Variants in EXTL3 observed in about 807,000 individuals in gnomAD.
EXTL3 encodes the protein exostosin like glycosyltransferase 3, also known as exostosin-like 3.
Under a neutral mutation model 69.3 loss-of-function variants are expected in EXTL3, and 27 were observed. That is an observed-to-expected ratio of 0.39 (90% CI 0.29 to 0.54). EXTL3 has a LOEUF of 0.54. Ranked by LOEUF, EXTL3 falls within the 20% of genes least tolerant of loss-of-function variation. The pLI is 0.69. For missense variants in EXTL3, 1,003 were observed against 1,231.8 expected (o/e 0.81, Z 2.78); for synonymous variants, 511 against 499.4 (o/e 1.02, Z -0.31).
chr8:28,694,242 C>G (rs1383117226), intron 1 of EXTL3, among the ~76,000 whole-genome samples: 1 of 152,170 alleles, frequency 6.6e-6, no homozygotes, highest in Non-Finnish European at 1.5e-5. Context: ...AATCTGTAAA[C>G]TAATTTATTG....
intron 2 of EXTL3, chr8:28,607,844 G>T (rs916261730): frequency 6.6e-6 from 1 of 152,440 alleles, no homozygotes; most frequent in Non-Finnish European, 1.5e-5. Context: ...GGGGCGCGGT[G>T]GCTCACGCCT....
intron 1 of EXTL3, among the ~76,000 whole-genome samples, chr8:28,639,797 T>G (rs1229210572): frequency 1.3e-5 from 2 of 152,212 alleles, no homozygotes; most frequent in Non-Finnish European, 2.9e-5. Context: ...TATCACCCTT[T>G]CTTGTAATTG....
In EXTL3 at chr8:28,637,034, C is replaced by T. The variant is rs57810620; in HGVS notation, c.-53+14224C>T. 7.0e-3 allele frequency among the ~76,000 whole-genome samples: 1,024 copies of T among 145,788 alleles called. 11 individuals are homozygous for T. Among genetic ancestry groups the T allele is most frequent in the African/African-American group, 0.026 (989 of 37,786 alleles). On this transcript the variant is annotated intron_variant, in intron 1 of 6. Transcript: ENST00000523149. Reference sequence around the variant, plus strand: ...GGGTGGGGCGGGGAGAGGGAGGGAGCGGGGAAGGGAGGAAGGAAACATAGT... The same window carrying T: ...GGGTGGGGCGGGGAGAGGGAGGGAGTGGGGAAGGGAGGAAGGAAACATAGT...
chr8:28,716,899 T>G lies in EXTL3; in HGVS notation c.840T>G (p.Arg280=), dbSNP rs771474208. 1 of 1,614,162 alleles carries G rather than the reference T, an allele frequency of 6.2e-7. No individual in the cohort carries two copies. The highest frequency in any genetic ancestry group is 1.7e-5 in the Admixed American group (1 of 60,030). Residue 280 remains arginine (R), a synonymous_variant, in exon 3 of 7, where the codon CGT becomes CGG. Transcript: ENST00000220562. The surrounding 1 kb of genome is among the most constrained non-coding windows in gnomAD (Gnocchi z 7.1). ...GHNHVIINLS[R]KSDTQNLLYN... ...ACCATGTCATCATCAATCTGTCACGTAAGTCAGATACACAGAACCTTCTCT... is the reference window on the plus strand; with the variant it reads ...ACCATGTCATCATCAATCTGTCACGGAAGTCAGATACACAGAACCTTCTCT...
At chr8:28,685,597 G>C (rs546686654) in intron 1 of EXTL3, among the ~76,000 whole-genome samples, 3 of 152,068 alleles carry the variant, frequency 2.0e-5, no homozygotes, top group African/African-American at 7.2e-5. Context: ...TAAAGGGCTG[G>C]GATTACAGGC....
At chr8:28,699,287 G>C (rs1023349826), upstream of EXTL3, among the ~76,000 whole-genome samples, 6 of 152,188 alleles carry the variant, frequency 3.9e-5, no homozygotes, top group African/African-American at 1.4e-4. Context: ...AGGTGGAGAT[G>C]ATGCAGGGAA....
At chr8:28,731,817 A>G (rs1801544702) in intron 4 of EXTL3, among the ~76,000 whole-genome samples, 1 of 152,030 alleles carries the variant, frequency 6.6e-6, no homozygotes, top group East Asian at 1.9e-4. Context: ...GATTTGGGGG[A>G]AGGAGGGTGT....
At chr8:28,648,916 C>T (rs1806875775) in intron 1 of EXTL3, among the ~76,000 whole-genome samples, 1 of 151,898 alleles carries the variant, frequency 6.6e-6, no homozygotes. Context: ...TTTGTTGAGA[C>T]AGAGTCTTAC....
At chr8:28,660,397 T>C (rs1026884461) in intron 1 of EXTL3, among the ~76,000 whole-genome samples, 1 of 151,428 alleles carries the variant, frequency 6.6e-6, no homozygotes, top group African/African-American at 2.4e-5. Context: ...TAGGTAGACA[T>C]GTACACAAGT....
chr8:28,639,091 CCA>C (rs1440333446), intron 1 of EXTL3, among the ~76,000 whole-genome samples: 1 of 152,038 alleles, frequency 6.6e-6, no homozygotes, highest in Non-Finnish European at 1.5e-5. Context: ...GCGCCCACCA[CCA>C]CACCTGGCTA....
At chr8:28,683,104 G>C (rs1417106242) in intron 1 of EXTL3, among the ~76,000 whole-genome samples, 3 of 152,096 alleles carry the variant, frequency 2.0e-5, no homozygotes, top group Non-Finnish European at 4.4e-5. Context: ...TCTCTATTCT[G>C]TTCCATTGGT....
rs533722444 is a variant in EXTL3 at position 28,612,668 on chromosome 8, C to T, written n.314+4910C>T. Among the ~76,000 whole-genome samples, 4 of 152,056 alleles carry T rather than the reference C, an allele frequency of 2.6e-5. No individual in the cohort carries two copies. In the South Asian group the frequency reaches 8.3e-4, roughly 32 times the overall value. ...TTAAATGCTTTTTCTGCATCTATTG[C>T]TGTGATCATATGAGTTTCCTTCTTT... On this transcript the variant is annotated intron_variant and non_coding_transcript_variant, in intron 2 of 4. Transcript: ENST00000522725.
At chr8:28,619,902 G>C (rs1321072577), upstream of EXTL3, among the ~76,000 whole-genome samples, 1 of 106,156 alleles carries the variant, frequency 9.4e-6, no homozygotes, top group African/African-American at 3.5e-5. Flanking sequence ...ACGGAGTCTC[G>C]CTCTGTCTCC....
chr8:28,721,099 C>T, intron 3 of EXTL3, among the ~76,000 whole-genome samples: 1 of 152,192 alleles, frequency 6.6e-6, no homozygotes. Context: ...ATTTGGTTTT[C>T]AGCAGTTTGA....
intron 1 of EXTL3, among the ~76,000 whole-genome samples, chr8:28,686,167 A>G (rs1807574026): frequency 2.0e-5 from 3 of 152,144 alleles, no homozygotes; most frequent in South Asian, 4.1e-4. Flanking sequence ...TGCCTGGCCT[A>G]TGTTTGCGTA....
At chr8:28,622,302 C>T (rs1008615157), upstream of EXTL3, among the ~76,000 whole-genome samples, 13 of 152,398 alleles carry the variant, frequency 8.5e-5, no homozygotes, top group Non-Finnish European at 1.8e-4. Context: ...CGGACCCCAG[C>T]GACCGGCGCC....
At chr8:28,641,736 C>T (rs1031837152) in intron 1 of EXTL3, among the ~76,000 whole-genome samples, 13 of 152,156 alleles carry the variant, frequency 8.5e-5, no homozygotes, top group South Asian at 2.1e-4. Flanking sequence ...CGACCCCCTC[C>T]GCCGCGTGGC....
intron 1 of EXTL3, among the ~76,000 whole-genome samples, chr8:28,670,608 A>G (rs1371228958): frequency 6.6e-6 from 1 of 152,210 alleles, no homozygotes; most frequent in Non-Finnish European, 1.5e-5. Flanking sequence ...GTTCAAGTCT[A>G]AAGGCAGGAA....
At chr8:28,708,316 T>C (rs1006516679) in intron 1 of EXTL3, among the ~76,000 whole-genome samples, 6 of 152,170 alleles carry the variant, frequency 3.9e-5, no homozygotes, top group African/African-American at 1.4e-4. Flanking sequence ...ACCACTGTGG[T>C]CGTTGGATTG....
Sources: gnomAD v4.1 joint callset for allele counts (sites outside exome capture counted in the v4.1 genomes callset) on GRCh38, gnomAD v4.1.1 for gene constraint, Gnocchi (gnomAD v3.1) non-coding constraint, MANE v1.5 for transcripts, NCBI Gene and HGNC (gene_info 2026-07-23, HGNC 2026-07-21) for gene names.